The following YAP1 variants were observed in gnomAD, a reference collection of about 807,000 sequenced individuals.
YAP1 encodes transcriptional coactivator YAP1.
YAP1 carries 5 observed loss-of-function variants against 56.9 expected under a neutral mutation model. The ratio of observed to expected loss-of-function variants is 0.09; its 90% CI spans 0.05 to 0.18. The LOEUF is 0.18. YAP1 is among the 10% of genes least tolerant of loss of function. YAP1 has a pLI of 1.00. For synonymous variants in YAP1, 265 were observed against 248.1 expected (o/e 1.07, Z -0.64); for missense variants, 539 against 651.8 (o/e 0.83, Z 1.88).
intron 4 of YAP1, among the ~76,000 whole-genome samples, chr11:102,188,917 A>G (rs898434922): frequency 1.6e-4 from 24 of 151,004 alleles, no homozygotes; most frequent in African/African-American, 5.8e-4. Flanking sequence ...GGGTTTTTTA[A>G]TGATTTTTTT....
At chr11:102,126,447 A>C (rs926750931) in intron 2 of YAP1, among the ~76,000 whole-genome samples, 3 of 152,164 alleles carry the variant, frequency 2.0e-5, no homozygotes, top group Non-Finnish European at 4.4e-5. Context: ...GTGATAGTGA[A>C]TAAGTCTCAT....
chr11:102,216,918 A>G (rs182873162), intron 6 of YAP1, among the ~76,000 whole-genome samples: 24 of 152,286 alleles, frequency 1.6e-4, no homozygotes. Context: ...ATTTTTAGCC[A>G]TTTTCTTCTG....
At chr11:102,199,229 A>G (rs1480738488) in intron 4 of YAP1, among the ~76,000 whole-genome samples, 1 of 152,220 alleles carries the variant, frequency 6.6e-6, no homozygotes, top group African/African-American at 2.4e-5. Context: ...GATGGTACGG[A>G]TGAGAAAACC....
intron 6 of YAP1, among the ~76,000 whole-genome samples, chr11:102,210,624 T>C (rs958348791): frequency 6.6e-6 from 1 of 152,234 alleles, no homozygotes; most frequent in Non-Finnish European, 1.5e-5. Flanking sequence ...GACATTCTTA[T>C]GATGAGGGGG....
chr11:102,180,300 A>G (rs1181384331), intron 3 of YAP1, among the ~76,000 whole-genome samples: 5 of 152,118 alleles, frequency 3.3e-5, no homozygotes, highest in Non-Finnish European at 7.4e-5. Flanking sequence ...AGTAGATCCT[A>G]TACTGGACAA....
chr11:102,144,308 A>G (rs1945193663), intron 2 of YAP1, among the ~76,000 whole-genome samples: 1 of 152,240 alleles, frequency 6.6e-6, no homozygotes, highest in African/African-American at 2.4e-5. Context: ...TCTTAGGGCC[A>G]AATTATTCCC....
chr11:102,157,620 TGTTTA>T (rs759558593), intron 2 of YAP1, among the ~76,000 whole-genome samples: 9 of 152,224 alleles, frequency 5.9e-5, no homozygotes, highest in South Asian at 4.1e-4. Flanking sequence ...AAAAAAAGAT[TGTTTA>T]GTTGGTCATT....
intron 6 of YAP1, among the ~76,000 whole-genome samples, chr11:102,212,955 A>C (rs969341661): frequency 1.3e-5 from 2 of 152,226 alleles, no homozygotes; most frequent in Non-Finnish European, 2.9e-5. Flanking sequence ...CATTCTCAGA[A>C]GAAACTTTCT....
At chr11:102,210,744 T>C (rs897452620) in intron 6 of YAP1, among the ~76,000 whole-genome samples, 1 of 152,056 alleles carries the variant, frequency 6.6e-6, no homozygotes, top group Non-Finnish European at 1.5e-5. Flanking sequence ...TTTTGTCTTT[T>C]TGTTTTTGTT....
In YAP1 at chr11:102,110,690, G is replaced by A. The variant is rs1377755602; in HGVS notation, c.-159G>A. The A allele has an allele frequency of 3.7e-6, 2 of 535,402 alleles. No homozygotes were observed. The highest frequency in any genetic ancestry group is 5.2e-6 in the Non-Finnish European group (2 of 382,152). 33.2% of individuals were successfully genotyped at this position (535,402 alleles called of 1,614,324 possible). On this transcript the variant is annotated 5_prime_UTR_variant, in exon 1 of 9. An upstream start codon of the reference 5' UTR is lost. Transcript: ENST00000282441. ...GGGCGGAGGCGCCGGGGCGGGGGAT[G>A]CGGGGCCGCGGCGCAGCCCCCCGGC...
At chr11:102,170,854 A>C (rs575616092) in intron 3 of YAP1, among the ~76,000 whole-genome samples, 24 of 152,124 alleles carry the variant, frequency 1.6e-4, no homozygotes, top group African/African-American at 5.8e-4. Context: ...CTGTAATCCC[A>C]GCTACTCAGG....
chr11:102,230,209 C>A lies in YAP1; in HGVS notation c.*269C>A, dbSNP rs1950388094. 6.8e-6 allele frequency: 2 copies of A among 295,814 alleles called. No individual in the cohort carries two copies. Among genetic ancestry groups the A allele is most frequent in the Admixed American group, 4.7e-5 (1 of 21,434 alleles). The allele number at this position is 295,814 out of a possible 1,614,324, so 18.3% of individuals were successfully genotyped here. A position where few individuals can be genotyped will look rare whatever the true frequency, so the allele number is the denominator to read the frequency against. On this transcript the variant is annotated 3_prime_UTR_variant, in exon 9 of 9. Coordinates refer to ENST00000282441, the MANE Select transcript of YAP1 (RefSeq NM_001130145.3). ...TTAAAACTACTGTTCATTTTGGGGG[C>A]TGGGGGAAGTGAGCCTGTTTGGATG...
In YAP1 at chr11:102,228,528, G is replaced by T. The variant is rs561639112; in HGVS notation, c.1276+947G>T. On this transcript the variant is annotated intron_variant, in intron 8 of 8. Coordinates refer to ENST00000282441, the MANE Select transcript of YAP1 (RefSeq NM_001130145.3). ...TATGCACCTGTAATCCCAGCTACTC[G>T]GGAGACTGAGGCAGGAGAATCATTT... is the stretch of plus-strand genomic sequence containing the variant. Among the ~76,000 whole-genome samples, 15 of 150,994 alleles carry T rather than the reference G, an allele frequency of 9.9e-5. No homozygotes were observed. The East Asian group carries it at 2.9e-3, about 29-fold the overall frequency.
intron 5 of YAP1, among the ~76,000 whole-genome samples, chr11:102,207,007 A>G (rs1949154844): frequency 6.6e-6 from 1 of 152,138 alleles, no homozygotes; most frequent in African/African-American, 2.4e-5. Context: ...GTTGGTTTTT[A>G]TGTTCCTAAT....
chr11:102,128,900 A>G (rs556535976), intron 2 of YAP1, among the ~76,000 whole-genome samples: 1 of 152,198 alleles, frequency 6.6e-6, no homozygotes, highest in South Asian at 2.1e-4. Flanking sequence ...TTATATAATT[A>G]TTGGCCTCTC....
At chr11:102,145,744 T>C (rs1945290260) in intron 2 of YAP1, among the ~76,000 whole-genome samples, 1 of 152,212 alleles carries the variant, frequency 6.6e-6, no homozygotes, top group Admixed American at 6.5e-5. Flanking sequence ...CAAGTTTTCA[T>C]CTTATGGACA....
intron 6 of YAP1, among the ~76,000 whole-genome samples, chr11:102,210,167 G>A (rs1949325855): frequency 6.6e-6 from 1 of 152,170 alleles, no homozygotes; most frequent in African/African-American, 2.4e-5. Flanking sequence ...AAAGATTGTG[G>A]CCAATTTTTC....
chr11:102,116,913 C>A (rs1943320363), intron 2 of YAP1, among the ~76,000 whole-genome samples: 3 of 152,092 alleles, frequency 2.0e-5, no homozygotes, highest in African/African-American at 7.2e-5. Context: ...ATGGAGGCCC[C>A]TAAACATTGG....
intron 3 of YAP1, among the ~76,000 whole-genome samples, chr11:102,165,195 C>CAA (rs1346024422): frequency 1.0e-3 from 133 of 127,202 alleles, no homozygotes; most frequent in African/African-American, 3.5e-3. Flanking sequence ...CTTGTCTCTA[C>CAA]AAAAAAAAAA....
Sources: gnomAD v4.1 joint callset for allele counts (sites outside exome capture counted in the v4.1 genomes callset) on GRCh38, gnomAD v4.1.1 for gene constraint, MANE v1.5 for transcripts, NCBI Gene and HGNC (gene_info 2026-07-23, HGNC 2026-07-21) for gene names.